The following ANKS1B variants were observed in gnomAD, a reference collection of about 807,000 sequenced individuals.
ANKS1B encodes the protein ankyrin repeat and sterile alpha motif domain-containing protein 1B.
In ANKS1B, 36 loss-of-function variants were observed where a neutral mutation model predicts 148.3. The observed-to-expected ratio is 0.24, with a 90% CI of 0.19 to 0.32. The LOEUF (loss-of-function observed/expected upper bound fraction) is 0.32. Ranked by LOEUF, ANKS1B falls within the 10% of genes least tolerant of loss-of-function variation. The pLI is 1.00. For synonymous variants in ANKS1B, 542 were observed against 560.8 expected, an observed-to-expected ratio of 0.97 and a Z score of 0.47; for missense variants, 1,157 against 1,542.6, an observed-to-expected ratio of 0.75 and a Z score of 4.19.
At chr12:99,581,974 C>T (rs2097575384) in intron 9 of ANKS1B, among the ~76,000 whole-genome samples, 1 of 148,392 alleles carries the variant, frequency 6.7e-6, no homozygotes, top group African/African-American at 2.5e-5. Flanking sequence ...TCTGATAAAA[C>T]ACTTGTATCA....
At chr12:99,341,278 G>A (rs542528969) in intron 12 of ANKS1B, 3 of 152,184 alleles carry the variant, frequency 2.0e-5, no homozygotes, top group East Asian at 1.9e-4. Flanking sequence ...ATCATTCTAG[G>A]TATTAATTAG....
At chr12:99,216,098 T>G (rs2084130097) in intron 14 of ANKS1B, among the ~76,000 whole-genome samples, 1 of 152,164 alleles carries the variant, frequency 6.6e-6, no homozygotes, top group African/African-American at 2.4e-5. Context: ...ATCTGATGGT[T>G]TTATAAAGGG....
chr12:99,734,219 T>G (rs954344844), intron 8 of ANKS1B, among the ~76,000 whole-genome samples: 2 of 152,152 alleles, frequency 1.3e-5, no homozygotes, highest in African/African-American at 4.8e-5. Context: ...ACCCCCATAT[T>G]CTTGTCTTTC....
intron 4 of ANKS1B, among the ~76,000 whole-genome samples, chr12:99,804,194 T>C (rs2067308896): frequency 6.6e-6 from 1 of 152,154 alleles, no homozygotes; most frequent in Admixed American, 6.5e-5. Context: ...TTTAAAAATA[T>C]TACAGAAGTG....
intron 15 of ANKS1B, among the ~76,000 whole-genome samples, chr12:99,136,680 A>C (rs2068190788): frequency 6.6e-6 from 1 of 152,226 alleles, no homozygotes. Flanking sequence ...ATATGGAGAT[A>C]ACCACCAGAA....
At chr12:98,790,471 G>A (rs1038876198) in intron 22 of ANKS1B, among the ~76,000 whole-genome samples, 1 of 152,058 alleles carries the variant, frequency 6.6e-6, no homozygotes, top group Admixed American at 6.6e-5. Flanking sequence ...ACAGATTTTA[G>A]CTATTACTGC....
chr12:98,894,743 C>T, intron 17 of ANKS1B: 1 of 985,632 alleles, frequency 1.0e-6, no homozygotes, highest in Non-Finnish European at 1.2e-6. Context: ...TGCCTCTGTG[C>T]ATCTTTCTGG....
Position 99,956,996 on chromosome 12 carries a change from T to C in ANKS1B, c.134+27108A>G, listed in dbSNP as rs367864388. Among the ~76,000 whole-genome samples, 8 of 152,312 alleles carry C rather than the reference T, an allele frequency of 5.3e-5. No homozygotes were observed. The South Asian group carries it at 1.7e-3, about 32-fold the overall frequency. On this transcript the variant is annotated intron_variant, in intron 1 of 26. Coordinates refer to ENST00000683438, the MANE Select transcript of ANKS1B (RefSeq NM_001352186.2). ...ACGATTATCACTGTTCCTCGTAAAG[T>C]GGAGTCTTACAGAGCTGGCTTTGAA... is the stretch of plus-strand genomic sequence containing the variant.
chr12:98,881,969 T>C (rs1303412773), intron 17 of ANKS1B, among the ~76,000 whole-genome samples: 2 of 152,150 alleles, frequency 1.3e-5, no homozygotes, highest in Non-Finnish European at 2.9e-5. Flanking sequence ...GCAAATATTA[T>C]GGAAAAACTC....
At chr12:99,821,100 A>G (rs925461547) in intron 2 of ANKS1B, among the ~76,000 whole-genome samples, 3 of 152,024 alleles carry the variant, frequency 2.0e-5, no homozygotes, top group Non-Finnish European at 4.4e-5. Flanking sequence ...ACTGAGCCAT[A>G]AATAATACCA....
intron 9 of ANKS1B, among the ~76,000 whole-genome samples, chr12:99,518,563 T>A (rs2096844810): frequency 6.6e-6 from 1 of 152,126 alleles, no homozygotes; most frequent in Non-Finnish European, 1.5e-5. Context: ...TAATGTCTCC[T>A]TTTTCATCTC....
At chr12:98,848,559 AT>A (rs199611015) in intron 17 of ANKS1B, among the ~76,000 whole-genome samples, 1,732 of 136,396 alleles carry the variant, frequency 0.013, 13 homozygotes, top group African/African-American at 0.03. Context: ...GTAATTTGTG[AT>A]TTTTTTTTTT....
chr12:98,762,842 C>A (rs1228358726), intron 25 of ANKS1B, among the ~76,000 whole-genome samples: 1 of 152,226 alleles, frequency 6.6e-6, no homozygotes, highest in Non-Finnish European at 1.5e-5. Flanking sequence ...GGGCTCTGGT[C>A]TCACTGGGCT....
intron 14 of ANKS1B, among the ~76,000 whole-genome samples, chr12:99,203,718 T>C (rs573217105): frequency 1.2e-4 from 19 of 152,350 alleles, no homozygotes; most frequent in African/African-American, 4.3e-4. Context: ...CCCAAAGTGC[T>C]GGGATTACAG....
chr12:99,867,109 T>G (rs574370346), intron 1 of ANKS1B, among the ~76,000 whole-genome samples: 1 of 152,298 alleles, frequency 6.6e-6, no homozygotes, highest in South Asian at 2.1e-4. Context: ...CTCCTTCCTA[T>G]TCACCTGGCC....
At chr12:99,220,325 T>A (rs2084898606) in intron 14 of ANKS1B, among the ~76,000 whole-genome samples, 1 of 151,428 alleles carries the variant, frequency 6.6e-6, no homozygotes, top group Non-Finnish European at 1.5e-5. Context: ...TAAATAATTA[T>A]AACCATGTGA....
chr12:99,903,575 T>C (rs2093673716), intron 1 of ANKS1B, among the ~76,000 whole-genome samples: 1 of 152,186 alleles, frequency 6.6e-6, no homozygotes, highest in Non-Finnish European at 1.5e-5. Context: ...AATAGAAGCA[T>C]AATACAAGCC....
At chr12:99,112,559 TGGAA>T (rs2060511982) in intron 15 of ANKS1B, among the ~76,000 whole-genome samples, 1 of 152,116 alleles carries the variant, frequency 6.6e-6, no homozygotes, top group Admixed American at 6.6e-5. Context: ...TATTCATTCT[TGGAA>T]GGTCCCTGAT....
intron 1 of ANKS1B, among the ~76,000 whole-genome samples, chr12:99,923,655 A>G (rs1340295979): frequency 6.6e-6 from 1 of 152,194 alleles, no homozygotes; most frequent in African/African-American, 2.4e-5. Context: ...AAAGTAAGGA[A>G]GAAGGAGATT....
Sources: gnomAD v4.1 joint callset for allele counts (sites outside exome capture counted in the v4.1 genomes callset) on GRCh38, gnomAD v4.1.1 for gene constraint, MANE v1.5 for transcripts, NCBI Gene and HGNC (gene_info 2026-07-23, HGNC 2026-07-21) for gene names.